The following DRD2 variants were observed in gnomAD, a reference collection of about 807,000 sequenced individuals.
DRD2 encodes dopamine receptor D2.
DRD2 carries 8 observed loss-of-function variants against 38.0 expected under a neutral mutation model. That is an observed-to-expected ratio of 0.21 (90% confidence interval 0.12 to 0.38). DRD2 has a LOEUF of 0.38. Among genes scored for constraint, DRD2 ranks in the 10% least tolerant of loss-of-function variants. The pLI, the probability that DRD2 is intolerant of heterozygous loss-of-function variation, is 1.00. For missense variants in DRD2, 403 were observed against 607.7 expected (o/e 0.66, Z 3.54); for synonymous variants, 230 against 238.6 (o/e 0.96, Z 0.33).
intron 1 of DRD2, chr11:113,474,120 C>T (rs938555432): frequency 6.6e-6 from 1 of 152,302 alleles, no homozygotes; most frequent in African/African-American, 2.4e-5. Flanking sequence ...GTGACTTGCT[C>T]AGACAGCTTC....
At chr11:113,414,058 G>A (rs1053098223) in intron 6 of DRD2, 8 of 387,910 alleles carry the variant, frequency 2.1e-5, no homozygotes, top group South Asian at 4.4e-5. Flanking sequence ...CTTACCTCCC[G>A]GGGTCGTGGT....
chr11:113,423,282 TA>T (rs1424018757), intron 2 of DRD2, among the ~76,000 whole-genome samples: 3 of 116,354 alleles, frequency 2.6e-5, no homozygotes, highest in Non-Finnish European at 4.6e-5. Context: ...AATTTAATTT[TA>T]TTTTTTTTTT....
intron 1 of DRD2, among the ~76,000 whole-genome samples, chr11:113,445,982 G>T (rs1254285309): frequency 6.6e-6 from 1 of 152,158 alleles, no homozygotes. Flanking sequence ...GCATTTCCAG[G>T]GGCCTGGGTC....
chr11:113,428,252 G>A (rs1303165183), intron 1 of DRD2, among the ~76,000 whole-genome samples: 1 of 152,192 alleles, frequency 6.6e-6, no homozygotes, highest in Non-Finnish European at 1.5e-5. Context: ...AAGAAGTGAG[G>A]AAGCAGGACA....
intron 1 of DRD2, among the ~76,000 whole-genome samples, chr11:113,446,881 T>G (rs571767055): frequency 1.3e-5 from 2 of 152,294 alleles, no homozygotes; most frequent in East Asian, 3.9e-4. Context: ...ATTCCCTGTG[T>G]TTCCAAAGTG....
chr11:113,452,475 CGCGCGCGCGCG>C, intron 1 of DRD2, among the ~76,000 whole-genome samples: 1 of 82,864 alleles, frequency 1.2e-5, no homozygotes, highest in East Asian at 2.6e-4. Flanking sequence ...TGTGTGCGCG[CGCGCGCGCGCG>C]CACATTGGGG....
chr11:113,437,019 G>A (rs2119836225), intron 1 of DRD2, among the ~76,000 whole-genome samples: 1 of 152,104 alleles, frequency 6.6e-6, no homozygotes, highest in East Asian at 1.9e-4. Flanking sequence ...AACAGCTTTG[G>A]CCTAATAAGT....
intron 1 of DRD2, among the ~76,000 whole-genome samples, chr11:113,468,568 G>C (rs749989364): frequency 1.3e-5 from 2 of 152,006 alleles, no homozygotes; most frequent in Non-Finnish European, 2.9e-5. Context: ...TGTTTTTTGA[G>C]ATGGAGTCTC....
chr11:113,473,920 T>C (rs1373473215), intron 1 of DRD2, among the ~76,000 whole-genome samples: 1 of 152,200 alleles, frequency 6.6e-6, no homozygotes, highest in Admixed American at 6.5e-5. Flanking sequence ...TCGTTGAACA[T>C]CTAGCTCCCT....
rs11214616 is a variant in DRD2, at chr11:113,472,707, C to T, written c.-32+2369G>A. ...ACGTGCTACTAGGCTGAACTAATCA[C>T]TCCTTGGCATTTCAGGAGCACTTAG... On this transcript the variant is annotated intron_variant, in intron 1 of 7. Coordinates refer to ENST00000362072, the MANE Select transcript of DRD2 (RefSeq NM_000795.4). Among the ~76,000 whole-genome samples the T allele has an allele frequency of 4.4e-3, 675 of 152,312 alleles. 5 individuals carry two copies. Among genetic ancestry groups the T allele is most frequent in the African/African-American group, 0.015 (615 of 41,558 alleles).
At chr11:113,423,539 G>A (rs965010552) in intron 2 of DRD2, among the ~76,000 whole-genome samples, 1 of 152,196 alleles carries the variant, frequency 6.6e-6, no homozygotes, top group African/African-American at 2.4e-5. Context: ...CTCCCAAAGT[G>A]CTAGGATTAC....
intron 6 of DRD2, 80 bp from the exon 7 acceptor site, chr11:113,412,963 T>A (rs1342204647): frequency 6.8e-7 from 1 of 1,474,610 alleles, no homozygotes; most frequent in Non-Finnish European, 9.2e-7. Context: ...GCCCCTCCCT[T>A]TCCCCCTCTG....
At chr11:113,452,465 TGTGTGCGCGCGCGC>T (rs1216153279) in intron 1 of DRD2, among the ~76,000 whole-genome samples, 13 of 89,596 alleles carry the variant, frequency 1.5e-4, no homozygotes, top group African/African-American at 3.4e-4. Flanking sequence ...TGTGTGTGTG[TGTGTGCGCGCGCGC>T]GCGCGCGCAC....
At chr11:113,451,988 C>T (rs895454628) in intron 1 of DRD2, among the ~76,000 whole-genome samples, 1 of 152,198 alleles carries the variant, frequency 6.6e-6, no homozygotes, top group Admixed American at 6.5e-5. Flanking sequence ...CCCATTTCTT[C>T]TCCCCTCCTC....
intron 1 of DRD2, among the ~76,000 whole-genome samples, chr11:113,448,362 A>G (rs1327316754): frequency 6.6e-6 from 1 of 152,166 alleles, no homozygotes; most frequent in Non-Finnish European, 1.5e-5. Flanking sequence ...GCCCAGATGC[A>G]CGGTGGCTGA....
chr11:113,462,710 T>C (rs1951334899), intron 1 of DRD2, among the ~76,000 whole-genome samples: 1 of 152,232 alleles, frequency 6.6e-6, no homozygotes, highest in African/African-American at 2.4e-5. Flanking sequence ...GGAGACTTTC[T>C]GGATGCCCTG....
chr11:113,431,425 G>A (rs1404627841), intron 1 of DRD2, among the ~76,000 whole-genome samples: 1 of 152,234 alleles, frequency 6.6e-6, no homozygotes, highest in Non-Finnish European at 1.5e-5. Flanking sequence ...TGCCCTGGTG[G>A]AAGCCAGGAG....
Position 113,460,543 on chromosome 11 carries a change from T to C in DRD2, c.-32+14533A>G, listed in dbSNP as rs552894399. ...TAGACAGAAGAATGTTCAGAGGCAC[T>C]GCCTGGGGGCCCTCTGCCCTGGCCC... is the stretch of plus-strand genomic sequence containing the variant. On this transcript the variant is annotated intron_variant, in intron 1 of 7. Transcript: ENST00000362072. 3.3e-5 allele frequency among the ~76,000 whole-genome samples: 5 copies of C among 152,378 alleles called. No homozygotes were observed. The East Asian group carries it at 7.7e-4, about 24-fold the overall frequency.
chr11:113,449,406 G>C (rs541018324), intron 1 of DRD2, among the ~76,000 whole-genome samples: 1 of 152,272 alleles, frequency 6.6e-6, no homozygotes, highest in South Asian at 2.1e-4. Flanking sequence ...CTGGGAAATT[G>C]GGCAGGTGAG....
Sources: allele counts gnomAD v4.1 joint callset (sites outside exome capture counted in the v4.1 genomes callset), GRCh38; gene constraint gnomAD v4.1.1; transcripts MANE v1.5; gene names NCBI Gene and HGNC (gene_info 2026-07-23, HGNC 2026-07-21).